ANKS1A: variants seen among roughly 807,000 people sequenced by gnomAD.
ANKS1A encodes ankyrin repeat and sterile alpha motif domain containing 1A, also known as ankyrin repeat and SAM domain-containing protein 1A.
A neutral mutation model predicts 120.3 loss-of-function variants in ANKS1A; 55 were observed. The ratio of observed to expected loss-of-function variants is 0.46; its 90% CI spans 0.37 to 0.57. The LOEUF is 0.57. ANKS1A is among the 20% of genes least tolerant of loss of function. The probability of loss-of-function intolerance (pLI) is 0.00; values close to 1 mark genes in which losing one functional copy is unlikely to be tolerated. For missense variants in ANKS1A, 1,123 were observed against 1,480.3 expected (o/e 0.76, Z 3.96); for synonymous variants, 590 against 604.7 (o/e 0.98, Z 0.36).
In ANKS1A at chr6:35,085,843, G is replaced by A; in HGVS notation, c.3210G>A (p.Lys1070=). Residue 1070 remains lysine, a synonymous_variant, in exon 22 of 24, where the codon AAG becomes AAA. Transcript: ENST00000360359. The surrounding 1 kb of genome is among the most constrained non-coding windows in gnomAD (Gnocchi z 4.7). ...VAYQLALQAQ[K]SRATGASAAE... is the part of the protein sequence containing the mutation. ...ATCAGTTGGCCCTGCAGGCCCAGAAGTCCAGGGCGACGGGCGCCTCTGCAG... is the reference window on the plus strand; with the variant it reads ...ATCAGTTGGCCCTGCAGGCCCAGAAATCCAGGGCGACGGGCGCCTCTGCAG... 2.5e-6 allele frequency: 4 copies of A among 1,613,668 alleles called. No homozygotes were observed. The highest frequency in any genetic ancestry group is 3.4e-6 in the Non-Finnish European group (4 of 1,179,842).
At chr6:35,029,349 CTTTTT>C (rs776256932) in intron 11 of ANKS1A, among the ~76,000 whole-genome samples, 2 of 105,770 alleles carry the variant, frequency 1.9e-5, no homozygotes, top group South Asian at 3.0e-4. Flanking sequence ...ATGACTTCTG[CTTTTT>C]TTTTTTTTTT....
Position 35,079,702 on chromosome 6 carries a change from T to A in ANKS1A, c.2436+34T>A, listed in dbSNP as rs372197658. ...TCCCTGCGTGGCCCGGCCTGGACTCTCCAGAAGTCTGAGCTTCCCTTAGGG... is the reference window on the plus strand; with the variant it reads ...TCCCTGCGTGGCCCGGCCTGGACTCACCAGAAGTCTGAGCTTCCCTTAGGG... On this transcript the variant is annotated intron_variant, in intron 15 of 23. Coordinates refer to ENST00000360359, the MANE Select transcript of ANKS1A (RefSeq NM_015245.3). The A allele has an allele frequency of 6.8e-6, 11 of 1,613,700 alleles. No homozygotes were observed. In the African/African-American group the frequency reaches 1.5e-4, roughly 22 times the overall value.
At chr6:34,965,248 T>G (rs1461949996) in intron 1 of ANKS1A, among the ~76,000 whole-genome samples, 2 of 152,246 alleles carry the variant, frequency 1.3e-5, no homozygotes, top group Admixed American at 6.5e-5. Flanking sequence ...TAATCTTTTT[T>G]TGTCTTATTA....
intron 1 of ANKS1A, among the ~76,000 whole-genome samples, chr6:34,932,638 A>T (rs1251177425): frequency 1.3e-5 from 2 of 152,056 alleles, no homozygotes; most frequent in Admixed American, 6.6e-5. Context: ...ATCCGTCTCA[A>T]CCTCCCAAAG....
At chr6:35,017,098 C>A (rs180870268) in intron 10 of ANKS1A, among the ~76,000 whole-genome samples, 58 of 152,110 alleles carry the variant, frequency 3.8e-4, no homozygotes, top group Non-Finnish European at 1.6e-4. Context: ...GCTTCATGTT[C>A]ACTCACTCTG....
chr6:35,094,223 TATC>T (rs1033441502), downstream of ANKS1A, among the ~76,000 whole-genome samples: 1 of 152,166 alleles, frequency 6.6e-6, no homozygotes, highest in Non-Finnish European at 1.5e-5. Context: ...GAAAATCACT[TATC>T]ATACCAATAT....
Position 34,989,290 on chromosome 6 carries a change from A to C in ANKS1A, c.1276A>C (p.Lys426Gln), listed in dbSNP as rs1772386898. Residue 426 changes from lysine (K) to glutamine (Q), a missense_variant, in exon 9 of 24, where the codon AAG becomes CAG. By Grantham distance (53) the Lys-to-Gln change is moderately conservative (BLOSUM62 1). Coordinates refer to ENST00000360359, the MANE Select transcript of ANKS1A (RefSeq NM_015245.3). ...AGAGGAAGAAGACCACATAGATAAG[A>C]AGTATTTTCCCTTGACAGCTTCTGA... The part of the protein sequence containing the change: ...DEEEEDHIDK[K>Q]YFPLTASEVL... 1 of 1,614,032 alleles carries C rather than the reference A, an allele frequency of 6.2e-7. No individual in the cohort carries two copies. Among genetic ancestry groups the C allele is most frequent in the East Asian group, 2.2e-5 (1 of 44,884 alleles).
intron 10 of ANKS1A, among the ~76,000 whole-genome samples, chr6:35,006,213 A>T (rs985241046): frequency 6.7e-6 from 1 of 148,762 alleles, no homozygotes; most frequent in African/African-American, 2.5e-5. Flanking sequence ...AAAAATCAAG[A>T]ATTAGGCGTG....
intron 13 of ANKS1A, among the ~76,000 whole-genome samples, chr6:35,061,547 A>G (rs934151661): frequency 2.6e-5 from 4 of 152,178 alleles, no homozygotes; most frequent in Non-Finnish European, 5.9e-5. Context: ...TGGCCTGCCC[A>G]GGGAGCTGGC....
At chr6:35,066,158 G>A (rs901866115) in intron 13 of ANKS1A, among the ~76,000 whole-genome samples, 21 of 152,178 alleles carry the variant, frequency 1.4e-4, no homozygotes, top group African/African-American at 4.8e-4. Flanking sequence ...CATAAACTCC[G>A]AAGAGGACAC....
At chr6:35,025,108 A>T (rs896284990) in intron 11 of ANKS1A, among the ~76,000 whole-genome samples, 26 of 151,986 alleles carry the variant, frequency 1.7e-4, no homozygotes, top group African/African-American at 5.8e-4. Flanking sequence ...TTATATTTCC[A>T]TTGGCTTTAG....
chr6:34,978,965 G>A lies in ANKS1A; in HGVS notation c.436-2725G>A, dbSNP rs181413956. Reference sequence around the variant, plus strand: ...GGCTGGAGTGCAGTGGCGCAATCTCGGCTCACTGCAACCTCCGCCTCCTGG... The same window carrying A: ...GGCTGGAGTGCAGTGGCGCAATCTCAGCTCACTGCAACCTCCGCCTCCTGG... On this transcript the variant is annotated intron_variant, in intron 3 of 23. Transcript: ENST00000360359. Among the ~76,000 whole-genome samples the A allele has an allele frequency of 1.3e-3, 200 of 150,476 alleles. 4 individuals are homozygous for A. Among genetic ancestry groups the A allele is most frequent in the Middle Eastern group, 3.4e-3 (1 of 294 alleles).
At chr6:34,950,153 G>A (rs1561866104) in intron 1 of ANKS1A, among the ~76,000 whole-genome samples, 2 of 151,770 alleles carry the variant, frequency 1.3e-5, no homozygotes, top group Non-Finnish European at 2.9e-5. Context: ...GCACCCTAAC[G>A]TGGGTGACAG....
intron 3 of ANKS1A, chr6:34,972,758 T>A: frequency 2.6e-6 from 1 of 390,774 alleles, no homozygotes; most frequent in Non-Finnish European, 3.5e-6. Context: ...ATGCTGACTG[T>A]TGTCTGCTTC....
chr6:34,982,636 G>A lies in ANKS1A; in HGVS notation c.733-116G>A, dbSNP rs1771961114. The A allele has an allele frequency of 3.9e-6, 4 of 1,021,796 alleles. No individual in the cohort carries two copies. The highest frequency in any genetic ancestry group is 6.0e-6 in the Non-Finnish European group (4 of 662,366). The allele number at this position is 1,021,796 out of a possible 1,614,324, so 63.3% of individuals were successfully genotyped here. On this transcript the variant is annotated intron_variant, in intron 4 of 23. Transcript: ENST00000360359. This position sits in a 1 kb window ranked among gnomAD's most constrained non-coding sequence, Gnocchi z 4.9. ...AAAGCTGGAAAGATAATGACAGAGG[G>A]CTTTGTGTAGTTTGTTTTATTTTGT...
intron 1 of ANKS1A, among the ~76,000 whole-genome samples, chr6:34,923,062 G>A (rs1416039891): frequency 1.3e-5 from 2 of 152,208 alleles, no homozygotes; most frequent in African/African-American, 4.8e-5. Flanking sequence ...GCCAGTAGGA[G>A]CTGAAGAAGA....
rs114566353 is a variant in ANKS1A, at chr6:35,064,559, A to C, written c.2184+4306A>C. On this transcript the variant is annotated intron_variant, in intron 13 of 23. Coordinates refer to ENST00000360359, the MANE Select transcript of ANKS1A (RefSeq NM_015245.3). ...CTGGCTTCTTTGAAACTTTCCAACCAGGTCCCCAAGCCCCTGAGGCTCCCT... is the reference window on the plus strand; with the variant it reads ...CTGGCTTCTTTGAAACTTTCCAACCCGGTCCCCAAGCCCCTGAGGCTCCCT... Among the ~76,000 whole-genome samples the C allele has an allele frequency of 5.0e-3, 767 of 152,308 alleles. 9 individuals are homozygous for C. The highest frequency in any genetic ancestry group is 0.016 in the African/African-American group (649 of 41,558).
rs766799989 is a variant in ANKS1A, at chr6:35,086,439, G to A, written c.3303+503G>A. 21 of 1,093,760 alleles carry A rather than the reference G, an allele frequency of 1.9e-5. 1 individual carries two copies. The highest frequency in any genetic ancestry group is 5.8e-5 in the East Asian group (1 of 17,170). 67.8% of individuals were successfully genotyped at this position (1,093,760 alleles called of 1,614,324 possible). A position where few individuals can be genotyped will look rare whatever the true frequency, so the allele number is the denominator to read the frequency against. On this transcript the variant is annotated intron_variant, in intron 22 of 23. Coordinates refer to ENST00000360359, the MANE Select transcript of ANKS1A (RefSeq NM_015245.3). The surrounding 1 kb of genome is among the most constrained non-coding windows in gnomAD (Gnocchi z 5.1). ...ACCGTGAGCGCTCTTAGCCTCTGGC[G>A]GCCTCTCCCTCTGCCTGTGTGACAT...
intron 13 of ANKS1A, chr6:35,071,078 C>A: frequency 2.5e-6 from 1 of 392,862 alleles, no homozygotes; most frequent in Non-Finnish European, 4.8e-6. Context: ...TGACTCCAGG[C>A]CTTTAGATAA....
Sources: gnomAD v4.1 joint callset for allele counts (sites outside exome capture counted in the v4.1 genomes callset) on GRCh38, gnomAD v4.1.1 for gene constraint, Gnocchi (gnomAD v3.1) non-coding constraint, MANE v1.5 for transcripts, NCBI Gene and HGNC (gene_info 2026-07-23, HGNC 2026-07-21) for gene names.